Variants in FANCM observed in about 807,000 individuals in gnomAD.
FANCM encodes Fanconi anemia group M protein.
A neutral mutation model predicts 199.5 loss-of-function variants in FANCM; 140 were observed. The observed-to-expected ratio is 0.70, with a 90% CI of 0.61 to 0.81. The LOEUF (loss-of-function observed/expected upper bound fraction) is 0.81. FANCM is among the 30% of genes least tolerant of loss of function. FANCM has a pLI of 0.00. For synonymous variants in FANCM, 840 were observed against 836.8 expected (o/e 1.00, Z -0.07); for missense variants, 2,410 against 2,421.4 (o/e 1.00, Z 0.10).
intron 9 of FANCM, among the ~76,000 whole-genome samples, chr14:45,161,538 G>A (rs1887607397): frequency 6.6e-6 from 1 of 152,270 alleles, no homozygotes; most frequent in South Asian, 2.1e-4. Flanking sequence ...CAGCACTTTG[G>A]GAGGCTAGGT....
chr14:45,190,830 T>C (rs534423008), intron 20 of FANCM, among the ~76,000 whole-genome samples: 2 of 152,264 alleles, frequency 1.3e-5, no homozygotes, highest in South Asian at 4.1e-4. Context: ...ACTTCATTTC[T>C]TTGAGTTTCA....
At chr14:45,140,807 G>C (rs1566721773) in intron 3 of FANCM, 98 bp downstream of exon 3, 2 of 791,952 alleles carry the variant, frequency 2.5e-6, no homozygotes, top group East Asian at 4.9e-5. Flanking sequence ...TTGGGAGGTG[G>C]AGATGGGAGG....
chr14:45,181,330 C>T lies in FANCM; in HGVS notation c.4223-100C>T, dbSNP rs10150209. On this transcript the variant is annotated intron_variant, in intron 14 of 22. Coordinates refer to ENST00000267430, the MANE Select transcript of FANCM (RefSeq NM_020937.4). Reference sequence around the variant, plus strand: ...TGAAAGTGAATAAATGTTGAGATTGCGTGAAATAATTCTTAATGTAGCCAT... The same window carrying T: ...TGAAAGTGAATAAATGTTGAGATTGTGTGAAATAATTCTTAATGTAGCCAT... 7,003 of 678,728 alleles carry T rather than the reference C, an allele frequency of 0.01. 376 individuals are homozygous for T. In the African/African-American group the frequency reaches 0.11, roughly 11 times the overall value. 42.0% of individuals were successfully genotyped at this position (678,728 alleles called of 1,614,324 possible).
rs1356723831 is a variant in FANCM at position 45,189,339 on chromosome 14, A to G, written c.5317A>G (p.Arg1773Gly). The change falls in exon 20 of 23, where the codon AGA (arginine) becomes GGA (glycine). Residue 1773 changes from arginine to glycine, a missense_variant. Transcript: ENST00000267430. ...FTTVDSQKDC[R>G]KFPVPQKDGS... ...TACTGTTGATTCACAGAAAGACTGT[A>G]GAAAATTTCCAGTTCCACAGAAGGT... The G allele has an allele frequency of 5.0e-6, 8 of 1,613,048 alleles. No individual in the cohort carries two copies. Among genetic ancestry groups the G allele is most frequent in the East Asian group, 2.2e-5 (1 of 44,874 alleles).
rs1231863061 is a variant in FANCM at position 45,155,422 on chromosome 14, AGAAGAAGTT to A, written c.1361_1369del (p.Glu454_Val456del). The stretch of plus-strand genomic sequence containing the variant: ...ATAGTCATCCAAAGTTAAAGAAATT[AGAAGAAGTT>A]GTAATTGAACACTTCAAGTCATGGA... On this transcript the variant is annotated inframe_deletion, in exon 8 of 23. Transcript: ENST00000267430. 6.7e-7 allele frequency: 1 copy of A among 1,491,314 alleles called. No individual in the cohort carries two copies. The highest frequency in any genetic ancestry group is 1.4e-5 in the African/African-American group (1 of 72,654). The allele number at this position is 1,491,314 out of a possible 1,614,324, so 92.4% of individuals were successfully genotyped here.
At chr14:45,194,318 A>C (rs1420808539) in intron 20 of FANCM, among the ~76,000 whole-genome samples, 1 of 151,738 alleles carries the variant, frequency 6.6e-6, no homozygotes, top group Non-Finnish European at 1.5e-5. Flanking sequence ...AAAAAAAACA[A>C]AAAAAAACCA....
At chr14:45,144,609 A>T (rs1007216455) in intron 3 of FANCM, among the ~76,000 whole-genome samples, 2 of 152,146 alleles carry the variant, frequency 1.3e-5, no homozygotes, top group African/African-American at 4.8e-5. Context: ...GCCTCTCCCC[A>T]TGGTCACCAC....
At chr14:45,155,922 A>G (rs1196164257) in intron 8 of FANCM, among the ~76,000 whole-genome samples, 3 of 152,194 alleles carry the variant, frequency 2.0e-5, no homozygotes, top group Non-Finnish European at 4.4e-5. Flanking sequence ...AAGCTGTGAG[A>G]AATTTTGGAA....
chr14:45,172,127 T>C (rs1161953936), intron 12 of FANCM, among the ~76,000 whole-genome samples: 2 of 152,218 alleles, frequency 1.3e-5, no homozygotes, highest in Non-Finnish European at 2.9e-5. Flanking sequence ...TTGAACATTT[T>C]TTATATGTTT....
intron 8 of FANCM, among the ~76,000 whole-genome samples, chr14:45,157,350 G>T (rs1353480357): frequency 1.3e-5 from 2 of 152,100 alleles, no homozygotes; most frequent in South Asian, 4.1e-4. Context: ...GTGATTATCA[G>T]GACAACAGTT....
intron 9 of FANCM, among the ~76,000 whole-genome samples, chr14:45,160,947 C>G (rs1022654497): frequency 6.6e-6 from 1 of 151,682 alleles, no homozygotes; most frequent in Non-Finnish European, 1.5e-5. Context: ...ATACTTTTGC[C>G]TATTATCAAG....
chr14:45,164,886 A>G (rs1887856335), intron 10 of FANCM, among the ~76,000 whole-genome samples: 1 of 152,196 alleles, frequency 6.6e-6, no homozygotes, highest in Admixed American at 6.5e-5. Context: ...CTTTGTGTTT[A>G]GTTTACTTTT....
At chr14:45,160,931 A>C (rs1292017032) in intron 9 of FANCM, among the ~76,000 whole-genome samples, 2 of 152,000 alleles carry the variant, frequency 1.3e-5, no homozygotes, top group African/African-American at 2.4e-5. Flanking sequence ...CCTGAATCTG[A>C]AAATAATACT....
intron 20 of FANCM, among the ~76,000 whole-genome samples, chr14:45,191,591 A>G (rs938183041): frequency 2.0e-5 from 3 of 152,392 alleles, no homozygotes; most frequent in Admixed American, 6.5e-5. Flanking sequence ...AAATAGATAT[A>G]GGATAGTGAT....
chr14:45,136,296 T>C lies in FANCM; in HGVS notation c.265T>C (p.Cys89Arg). 1 of 1,614,142 alleles carries C rather than the reference T, an allele frequency of 6.2e-7. No homozygotes were observed. Among genetic ancestry groups the C allele is most frequent in the Non-Finnish European group, 8.5e-7 (1 of 1,180,022 alleles). ...AGALWIYPTN[C>R]PVRDYQLHIS... ...CGCCCTGTGGATTTACCCTACCAAT[T>C]GCCCAGTGCGGGACTACCAGCTGCA... Residue 89 changes from cysteine (C) to arginine (R), a missense_variant, in exon 1 of 23, where the codon TGC (cysteine) becomes CGC (arginine). Transcript: ENST00000267430.
chr14:45,150,181 G>T (rs1886715441), intron 4 of FANCM, among the ~76,000 whole-genome samples: 2 of 152,274 alleles, frequency 1.3e-5, no homozygotes, highest in South Asian at 4.1e-4. Context: ...TTCTTAAAGA[G>T]ACATTTTGTA....
rs1969713 is a variant in FANCM, at chr14:45,154,257, T to C, written c.1183+205T>C. 0.092 allele frequency among the ~76,000 whole-genome samples: 14,007 copies of C among 151,824 alleles called. 802 individuals are homozygous for C. The highest frequency in any genetic ancestry group is 0.2 in the South Asian group (947 of 4,810). On this transcript the variant is annotated intron_variant, in intron 6 of 22. Transcript: ENST00000267430. ...CTCTAATAAAAATACAAAAATTAGC[T>C]GGGTATGATGGTGCACGCCTGTAAT...
At chr14:45,140,536 A>G (rs1885837641) in intron 2 of FANCM, 96 bp from the exon 3 acceptor site, 2 of 746,792 alleles carry the variant, frequency 2.7e-6, no homozygotes, top group African/African-American at 3.4e-5. Flanking sequence ...TGATGAAGGA[A>G]TAATGATAAG....
At chr14:45,183,506 A>C (rs1305544879) in intron 16 of FANCM, among the ~76,000 whole-genome samples, 1 of 152,198 alleles carries the variant, frequency 6.6e-6, no homozygotes, top group African/African-American at 2.4e-5. Flanking sequence ...GTTTGCAGAA[A>C]AAATAAAAAT....
Sources: allele counts gnomAD v4.1 joint callset (sites outside exome capture counted in the v4.1 genomes callset), GRCh38; gene constraint gnomAD v4.1.1; transcripts MANE v1.5; gene names NCBI Gene and HGNC (gene_info 2026-07-23, HGNC 2026-07-21).